CPEB4: variants seen among roughly 807,000 people sequenced by gnomAD.
CPEB4 encodes the protein cytoplasmic polyadenylation element-binding protein 4.
A neutral mutation model predicts 72.5 loss-of-function variants in CPEB4; 12 were observed. The observed-to-expected ratio is 0.17, with a 90% CI of 0.11 to 0.27. The LOEUF (loss-of-function observed/expected upper bound fraction) is 0.27, where lower values mean the gene tolerates loss of function less well. Ranked by LOEUF, CPEB4 falls within the 10% of genes least tolerant of loss-of-function variation. The probability of loss-of-function intolerance (pLI) is 1.00; values close to 1 mark genes in which losing one functional copy is unlikely to be tolerated. For synonymous variants in CPEB4, 302 were observed against 326.3 expected (o/e 0.93, Z 0.80); for missense variants, 614 against 908.5 (o/e 0.68, Z 4.17).
rs552078681 is a variant in CPEB4, at chr5:173,940,388, G to T, written c.1259-2638G>T. ...ATATTTGAGAAACATCAAATAACAG[G>T]CAATACTTGCTAGTCATGAGATTGG... On this transcript the variant is annotated intron_variant, in intron 3 of 9. Transcript: ENST00000265085. 1.1e-3 allele frequency among the ~76,000 whole-genome samples: 165 copies of T among 152,246 alleles called. 1 individual carries two copies. The highest frequency in any genetic ancestry group is 1.8e-3 in the Non-Finnish European group (121 of 68,022).
Position 173,956,152 on chromosome 5 carries a change from G to A in CPEB4, c.*15G>A. 1 of 1,606,432 alleles carries A rather than the reference G, an allele frequency of 6.2e-7. No homozygotes were observed. The highest frequency in any genetic ancestry group is 8.5e-7 in the Non-Finnish European group (1 of 1,173,420). On this transcript the variant is annotated 3_prime_UTR_variant, in exon 10 of 10. Transcript: ENST00000265085. ...GCTGGAACTAAAGGATAACTGCAGTGCTCATTTTCAGGCCTCAGAATAAGT... is the reference window on the plus strand; with the variant it reads ...GCTGGAACTAAAGGATAACTGCAGTACTCATTTTCAGGCCTCAGAATAAGT...
intron 3 of CPEB4, among the ~76,000 whole-genome samples, chr5:173,938,186 A>G (rs943573876): frequency 2.0e-5 from 3 of 151,686 alleles, no homozygotes; most frequent in Non-Finnish European, 4.4e-5. Context: ...CTCCCCATAT[A>G]TTTTCTTTTA....
intron 3 of CPEB4, among the ~76,000 whole-genome samples, chr5:173,940,932 G>C (rs1300960155): frequency 1.3e-5 from 2 of 151,992 alleles, no homozygotes; most frequent in Non-Finnish European, 2.9e-5. Context: ...TAATTTTATA[G>C]TATACAATCA....
chr5:173,942,462 A>G (rs1186185957), intron 3 of CPEB4, among the ~76,000 whole-genome samples: 1 of 152,194 alleles, frequency 6.6e-6, no homozygotes, highest in African/African-American at 2.4e-5. Flanking sequence ...TTACTTTTCA[A>G]CATTTAGGAC....
At position 173,923,814 on chromosome 5, in the gene CPEB4, T is replaced by A. The variant is rs564326428; in HGVS notation, c.1208-8636T>A. ...ATTAATCTCTGGTATCATAACATCC[T>A]CTTAAGGCAAGTTATCTTGTTGCTC... On this transcript the variant is annotated intron_variant, in intron 2 of 9. Coordinates refer to ENST00000265085, the MANE Select transcript of CPEB4 (RefSeq NM_030627.4). 3.9e-5 allele frequency among the ~76,000 whole-genome samples: 6 copies of A among 152,314 alleles called. No homozygotes were observed. In the East Asian group the frequency reaches 1.2e-3, roughly 29 times the overall value.
At position 173,949,084 on chromosome 5, in the gene CPEB4, A is replaced by C. The variant is rs144915983; in HGVS notation, c.1457-424A>C. Among the ~76,000 whole-genome samples, 825 of 152,364 alleles carry C rather than the reference A, an allele frequency of 5.4e-3. 3 individuals carry two copies. Among genetic ancestry groups the C allele is most frequent in the Middle Eastern group, 0.01 (3 of 294 alleles). On this transcript the variant is annotated intron_variant, in intron 5 of 9. Transcript: ENST00000265085. ...TCTGAGGATATGATAATTAAGTGCA[A>C]CCTATGTTCTGGATAGCACTGTGGA... is the stretch of plus-strand genomic sequence containing the variant.
rs359467 is a variant in CPEB4 at position 173,889,726 on chromosome 5, G to A, written c.-8G>A. On this transcript the variant is annotated 5_prime_UTR_variant, in exon 1 of 10. Transcript: ENST00000265085. ...TTTATTGTGAGATTCTGCTCCTAAAGATAATAAATGGGGGATTACGGGTTT... is the reference window on the plus strand; with the variant it reads ...TTTATTGTGAGATTCTGCTCCTAAAAATAATAAATGGGGGATTACGGGTTT... 1,075,292 of 1,547,422 alleles carry A rather than the reference G, an allele frequency of 0.69. 379,821 individuals are homozygous for A. Among genetic ancestry groups the A allele is most frequent in the Middle Eastern group, 0.75 (4,303 of 5,748 alleles).
intron 1 of CPEB4, among the ~76,000 whole-genome samples, chr5:173,908,013 A>G (rs1392666622): frequency 6.6e-6 from 1 of 152,198 alleles, no homozygotes; most frequent in Non-Finnish European, 1.5e-5. Flanking sequence ...TGTGTTGGAG[A>G]TGGAAATGGA....
At chr5:173,953,506 T>C (rs1441933912) in intron 9 of CPEB4, 1 of 414,696 alleles carries the variant, frequency 2.4e-6, no homozygotes, top group African/African-American at 2.0e-5. Context: ...TTTAATCTTC[T>C]CTAACTTCCA....
At chr5:173,906,387 T>C (rs1421036312) in intron 1 of CPEB4, among the ~76,000 whole-genome samples, 4 of 152,228 alleles carry the variant, frequency 2.6e-5, no homozygotes, top group Admixed American at 2.6e-4. Flanking sequence ...AATGGCAATC[T>C]TAAAACCTGC....
intron 3 of CPEB4, among the ~76,000 whole-genome samples, chr5:173,934,707 G>A (rs187813324): frequency 4.1e-4 from 62 of 152,300 alleles, no homozygotes; most frequent in African/African-American, 1.4e-3. Context: ...TGCCAGAGGT[G>A]ACTACTCGAC....
At chr5:173,929,639 G>A (rs1349095630) in intron 2 of CPEB4, among the ~76,000 whole-genome samples, 1 of 152,064 alleles carries the variant, frequency 6.6e-6, no homozygotes, top group African/African-American at 2.4e-5. Context: ...GGTCGAGGCT[G>A]GAGCTGAGAT....
chr5:173,923,101 A>G (rs758459706), intron 2 of CPEB4, among the ~76,000 whole-genome samples: 12 of 152,220 alleles, frequency 7.9e-5, no homozygotes, highest in Non-Finnish European at 1.5e-4. Flanking sequence ...TATAAAATGC[A>G]AGTCCATTTT....
Position 173,955,474 on chromosome 5 carries a change from A to G in CPEB4, c.1963-436A>G, listed in dbSNP as rs6874601. 1 allele frequency among the ~76,000 whole-genome samples: 152,244 copies of G among 152,296 alleles called. 76,096 individuals are homozygous for G. The highest frequency in any genetic ancestry group is 1 in the Middle Eastern group (294 of 294). ...CGCAGTAGTCAGGCATCTTCACACC[A>G]ACTTGAATATTGAAGTGCAGTTGTG... On this transcript the variant is annotated intron_variant, in intron 9 of 9. Coordinates refer to ENST00000265085, the MANE Select transcript of CPEB4 (RefSeq NM_030627.4). The surrounding 1 kb of genome is among the most constrained non-coding windows in gnomAD (Gnocchi z 4.7).
chr5:173,893,036 T>TGTGTGTGTGTGTGTGTGA (rs55993382), intron 1 of CPEB4: 27 of 100,920 alleles, frequency 2.7e-4, no homozygotes, highest in African/African-American at 5.9e-4. Flanking sequence ...TGTGTGTGTG[T>TGTGTGTGTGTGTGTGTGA]GAGAGAGAGA....
At chr5:173,891,861 A>C (rs1471955092) in intron 1 of CPEB4, among the ~76,000 whole-genome samples, 1 of 152,188 alleles carries the variant, frequency 6.6e-6, no homozygotes, top group Admixed American at 6.5e-5. Context: ...CAACAACCTC[A>C]CAAGATGAGT....
intron 4 of CPEB4, among the ~76,000 whole-genome samples, chr5:173,944,097 A>T (rs1360119319): frequency 6.6e-6 from 1 of 152,220 alleles, no homozygotes; most frequent in Non-Finnish European, 1.5e-5. Flanking sequence ...CTGGACGATA[A>T]GATTTTCAAA....
At chr5:173,907,329 T>C (rs1756478861) in intron 1 of CPEB4, among the ~76,000 whole-genome samples, 1 of 151,816 alleles carries the variant, frequency 6.6e-6, no homozygotes, top group Non-Finnish European at 1.5e-5. Flanking sequence ...AACAAAAACT[T>C]ACAGGTAAAA....
At chr5:173,947,495 G>A (rs1758065873) in intron 5 of CPEB4, among the ~76,000 whole-genome samples, 1 of 152,046 alleles carries the variant, frequency 6.6e-6, no homozygotes, top group Admixed American at 6.5e-5. Flanking sequence ...AGGTAGAGGA[G>A]GCTATAGGGG....
Sources: gnomAD v4.1 joint callset for allele counts (sites outside exome capture counted in the v4.1 genomes callset) on GRCh38, gnomAD v4.1.1 for gene constraint, Gnocchi (gnomAD v3.1) non-coding constraint, MANE v1.5 for transcripts, NCBI Gene and HGNC (gene_info 2026-07-23, HGNC 2026-07-21) for gene names.